The following PRUNE2 variants were observed in gnomAD, a reference collection of about 807,000 sequenced individuals.
The protein encoded by PRUNE2 is prune homolog 2 with BCH domain.
In PRUNE2, 164 loss-of-function variants were observed where a neutral mutation model predicts 252.0. The ratio of observed to expected loss-of-function variants is 0.65; its 90% confidence interval spans 0.57 to 0.74. The LOEUF (loss-of-function observed/expected upper bound fraction) is 0.74, where lower values mean the gene tolerates loss of function less well. Ranked by LOEUF, PRUNE2 falls within the 30% of genes least tolerant of loss-of-function variation. The pLI, the probability that PRUNE2 is intolerant of heterozygous loss-of-function variation, is 0.00. For synonymous variants in PRUNE2, 1,292 were observed against 1,350.2 expected, an observed-to-expected ratio of 0.96 and a Z score of 0.94; for missense variants, 3,495 against 3,711.0, an observed-to-expected ratio of 0.94 and a Z score of 1.51.
chr9:76,845,351 G>GC (rs1448667044), intron 4 of PRUNE2, among the ~76,000 whole-genome samples: 1 of 152,166 alleles, frequency 6.6e-6, no homozygotes, highest in Non-Finnish European at 1.5e-5. Flanking sequence ...ATTCTCTAGT[G>GC]CTTGGCTGCA....
intron 18 of PRUNE2, among the ~76,000 whole-genome samples, chr9:76,618,008 T>G (rs948972851): frequency 1.3e-5 from 2 of 152,228 alleles, no homozygotes; most frequent in African/African-American, 4.8e-5. Flanking sequence ...ATGTGCCAAT[T>G]TCCTTGAAGC....
At chr9:76,765,897 T>TA (rs2052312974) in intron 6 of PRUNE2, among the ~76,000 whole-genome samples, 2 of 152,090 alleles carry the variant, frequency 1.3e-5, no homozygotes, top group African/African-American at 4.8e-5. Flanking sequence ...AATATCTCGT[T>TA]AGAGGCCAGA....
At chr9:76,661,188 T>C (rs1368593737) in intron 9 of PRUNE2, among the ~76,000 whole-genome samples, 1 of 152,046 alleles carries the variant, frequency 6.6e-6, no homozygotes. Flanking sequence ...GACAAGAAAG[T>C]GGTATTTTTA....
chr9:76,746,732 A>T (rs1174429252), intron 6 of PRUNE2, among the ~76,000 whole-genome samples: 2 of 150,566 alleles, frequency 1.3e-5, no homozygotes, highest in Non-Finnish European at 3.0e-5. Flanking sequence ...AAAAAAAAAA[A>T]AAAAAAAAAC....
chr9:76,641,524 AATCACT>A (rs1266132102), intron 12 of PRUNE2, among the ~76,000 whole-genome samples: 1 of 152,232 alleles, frequency 6.6e-6, no homozygotes, highest in Non-Finnish European at 1.5e-5. Context: ...GCATAGGATC[AATCACT>A]TTTTGCCCCT....
intron 1 of PRUNE2, among the ~76,000 whole-genome samples, chr9:76,902,145 C>T (rs1214317472): frequency 6.6e-6 from 1 of 152,168 alleles, no homozygotes; most frequent in Non-Finnish European, 1.5e-5. Flanking sequence ...CAGATGATTC[C>T]TCATGTACTT....
chr9:76,652,219 A>C (rs745693514), intron 11 of PRUNE2: 2 of 327,528 alleles, frequency 6.1e-6, no homozygotes, highest in Non-Finnish European at 5.6e-6. Context: ...AGCATGTAAC[A>C]GTCTTCCCTC....
At chr9:76,682,175 A>T (rs568777844) in intron 9 of PRUNE2, among the ~76,000 whole-genome samples, 1 of 152,190 alleles carries the variant, frequency 6.6e-6, no homozygotes, top group East Asian at 1.9e-4. Context: ...TTTAGACTTT[A>T]AAAGAGGCTT....
chr9:76,868,030 C>G (rs760875492), intron 1 of PRUNE2, among the ~76,000 whole-genome samples: 2 of 152,110 alleles, frequency 1.3e-5, no homozygotes, highest in Non-Finnish European at 2.9e-5. Flanking sequence ...CACTAGAGCA[C>G]TCAGGGGTGC....
intron 9 of PRUNE2, among the ~76,000 whole-genome samples, chr9:76,682,861 A>C (rs1361236422): frequency 6.6e-6 from 1 of 152,182 alleles, no homozygotes; most frequent in African/African-American, 2.4e-5. Context: ...ACTATTTTAA[A>C]AATATATAAT....
intron 4 of PRUNE2, among the ~76,000 whole-genome samples, chr9:76,835,614 C>T (rs1210211789): frequency 3.3e-5 from 5 of 152,174 alleles, no homozygotes; most frequent in Non-Finnish European, 4.4e-5. Context: ...ATCACTTCTT[C>T]CCCCTACCCC....
chr9:76,855,564 T>C (rs1440993996), intron 1 of PRUNE2, among the ~76,000 whole-genome samples: 1 of 152,174 alleles, frequency 6.6e-6, no homozygotes, highest in Non-Finnish European at 1.5e-5. Flanking sequence ...TCAAACGCAA[T>C]AGGTTGTGGC....
At chr9:76,720,142 ATACT>A (rs10583220) in intron 6 of PRUNE2, among the ~76,000 whole-genome samples, 60,779 of 151,864 alleles carry the variant, frequency 0.4, 13,015 homozygotes, top group Admixed American at 0.55. Context: ...CTATCAAAGA[ATACT>A]TAATGACACA....
At chr9:76,757,179 T>C (rs1381261359) in intron 6 of PRUNE2, among the ~76,000 whole-genome samples, 3 of 152,254 alleles carry the variant, frequency 2.0e-5, no homozygotes, top group African/African-American at 7.2e-5. Context: ...TCACCATTCA[T>C]TTATAATCAT....
At chr9:76,857,254 G>A in intron 1 of PRUNE2, 1 of 409,974 alleles carries the variant, frequency 2.4e-6, no homozygotes. Flanking sequence ...TGGTGCCCAG[G>A]CTCTCAAGGA....
intron 4 of PRUNE2, among the ~76,000 whole-genome samples, chr9:76,843,000 C>T (rs887888877): frequency 6.6e-6 from 1 of 152,154 alleles, no homozygotes; most frequent in African/African-American, 2.4e-5. Context: ...GATTATAAAT[C>T]ATTCTATCAT....
intron 6 of PRUNE2, among the ~76,000 whole-genome samples, chr9:76,766,762 A>AT (rs35040966): frequency 0.33 from 49,783 of 151,810 alleles, 8,385 homozygotes; most frequent in South Asian, 0.42. Context: ...CAATCCCCAG[A>AT]TTTTTTCATG....
chr9:76,862,026 G>A (rs969061347), intron 1 of PRUNE2: 12 of 152,136 alleles, frequency 7.9e-5, no homozygotes, highest in African/African-American at 2.9e-4. Flanking sequence ...TTACCCACTG[G>A]TTCCTTCTAG....
intron 18 of PRUNE2, among the ~76,000 whole-genome samples, chr9:76,618,126 T>C (rs1388834336): frequency 6.6e-6 from 1 of 152,184 alleles, no homozygotes; most frequent in Non-Finnish European, 1.5e-5. Flanking sequence ...TAAAATTTTA[T>C]TTAGAAAAAA....
Sources: allele counts gnomAD v4.1 joint callset (sites outside exome capture counted in the v4.1 genomes callset), GRCh38; gene constraint gnomAD v4.1.1; transcripts MANE v1.5; gene names NCBI Gene and HGNC (gene_info 2026-07-23, HGNC 2026-07-21).